Variants in JAKMIP3 observed in about 807,000 individuals in gnomAD.
JAKMIP3 encodes the protein janus kinase and microtubule-interacting protein 3.
JAKMIP3 carries 58 observed loss-of-function variants against 118.5 expected under a neutral mutation model. The ratio of observed to expected loss-of-function variants is 0.49; its 90% confidence interval spans 0.40 to 0.61. The LOEUF (loss-of-function observed/expected upper bound fraction) is 0.61, where lower values mean the gene tolerates loss of function less well. JAKMIP3 is among the 20% of genes least tolerant of loss of function. The probability of loss-of-function intolerance (pLI) is 0.00; values close to 1 mark genes in which losing one functional copy is unlikely to be tolerated. For missense variants in JAKMIP3, 950 were observed against 1,109.0 expected, an observed-to-expected ratio of 0.86 and a Z score of 2.04; for synonymous variants, 486 against 451.2, an observed-to-expected ratio of 1.08 and a Z score of -0.98.
chr10:132,113,932 C>T (rs1047737128), intron 2 of JAKMIP3, among the ~76,000 whole-genome samples: 1 of 152,234 alleles, frequency 6.6e-6, no homozygotes, highest in Non-Finnish European at 1.5e-5. Flanking sequence ...CCGTCCTTCG[C>T]CTCTCCCGGG....
upstream of JAKMIP3, among the ~76,000 whole-genome samples, chr10:132,065,752 C>T (rs558650354): frequency 6.6e-6 from 1 of 151,870 alleles, no homozygotes; most frequent in African/African-American, 2.4e-5. The surrounding 1 kb of genome is among the most constrained non-coding windows in gnomAD (Gnocchi z 5.6). Flanking sequence ...TCTGTTCGCG[C>T]CCTGCAGGGA....
At position 132,103,066 on chromosome 10, in the gene JAKMIP3, C is replaced by T. The variant is rs147559539; in HGVS notation, c.-137-1606C>T. Among the ~76,000 whole-genome samples the T allele has an allele frequency of 5.4e-3, 814 of 152,046 alleles. 13 individuals carry two copies. The highest frequency in any genetic ancestry group is 0.018 in the African/African-American group (753 of 41,436). On this transcript the variant is annotated intron_variant, in intron 1 of 23. Coordinates refer to ENST00000684848, the MANE Select transcript of JAKMIP3 (RefSeq NM_001323087.2). ...TTGTGGGGGTGGGGGCTGTGTTCAC[C>T]GGGAAAGTTCCCATGTGTGATCTGC... is the stretch of plus-strand genomic sequence containing the variant.
intron 13 of JAKMIP3, 118 bp downstream of exon 13, chr10:132,145,698 A>G: frequency 1.2e-6 from 1 of 837,148 alleles, no homozygotes; most frequent in Non-Finnish European, 1.9e-6. Flanking sequence ...TGGCTGTCCC[A>G]GGCCCCTTCT....
chr10:132,044,112 T>G lies in JAKMIP3; in HGVS notation c.-138+7374T>G, dbSNP rs933886466. Among the ~76,000 whole-genome samples the G allele has an allele frequency of 6.6e-6, 1 of 152,214 alleles. No homozygotes were observed. The highest frequency in any genetic ancestry group is 2.4e-5 in the African/African-American group (1 of 41,468). ...CCACCTGGGGACACAGGCTGCCGCC[T>G]TGATGCTGCTCCCCTGGGACCAGCC... is the stretch of plus-strand genomic sequence containing the variant. On this transcript the variant is annotated intron_variant, in intron 1 of 23. Coordinates refer to the JAKMIP3 transcript ENST00000657785. The surrounding 1 kb of genome is among the most constrained non-coding windows in gnomAD (Gnocchi z 5.3).
In JAKMIP3 at chr10:132,163,501, A is replaced by G. The variant is rs527861722; in HGVS notation, c.2424+89A>G. On this transcript the variant is annotated intron_variant, in intron 20 of 23. Transcript: ENST00000684848. ...GGGGTCCTCCCACGGCCACACCTCC[A>G]ACCACTACCCCTCTGTGGCCCCACC... The G allele has an allele frequency of 3.4e-6, 4 of 1,180,530 alleles. No individual in the cohort carries two copies. In the South Asian group the frequency reaches 4.3e-5, roughly 13 times the overall value. The allele number at this position is 1,180,530 out of a possible 1,614,324, so 73.1% of individuals were successfully genotyped here. A position where few individuals can be genotyped will look rare whatever the true frequency, so the allele number is the denominator to read the frequency against.
intron 2 of JAKMIP3, among the ~76,000 whole-genome samples, chr10:132,114,205 A>G (rs1478272422): frequency 6.6e-6 from 1 of 152,256 alleles, no homozygotes; most frequent in Non-Finnish European, 1.5e-5. Flanking sequence ...GCTTCTGTGC[A>G]GCATGGCACA....
At chr10:132,180,054 C>T (rs905050799) in intron 23 of JAKMIP3, among the ~76,000 whole-genome samples, 13 of 152,170 alleles carry the variant, frequency 8.5e-5, no homozygotes, top group African/African-American at 2.7e-4. Flanking sequence ...GTGCGCCCCC[C>T]ACCCACTAAC....
intron 11 of JAKMIP3, among the ~76,000 whole-genome samples, 155 bp downstream of exon 11, chr10:132,142,203 G>A (rs900576700): frequency 2.6e-5 from 4 of 152,106 alleles, no homozygotes; most frequent in African/African-American, 9.7e-5. Flanking sequence ...CATGGAAGCC[G>A]ATCAAAACCA....
intron 11 of JAKMIP3, among the ~76,000 whole-genome samples, chr10:132,142,377 C>A (rs541076468): frequency 6.6e-6 from 1 of 152,340 alleles, no homozygotes; most frequent in South Asian, 2.1e-4. Context: ...ACCTCTTCCA[C>A]TCTTGGCAGC....
rs144708441 is a variant in JAKMIP3, at chr10:132,130,174, C to T, written c.634-3138C>T. Among the ~76,000 whole-genome samples, 190 of 152,296 alleles carry T rather than the reference C, an allele frequency of 1.2e-3. 1 individual carries two copies. Among genetic ancestry groups the T allele is most frequent in the East Asian group, 9.3e-3 (48 of 5,182 alleles). On this transcript the variant is annotated intron_variant, in intron 3 of 23. Transcript: ENST00000684848. ...TGGCGGCCTCTTCTAGCACCTCCAA[C>T]GCACCCCCACCCAGGTCTCTGCTTT...
chr10:132,148,443 C>T (rs2055101890), intron 14 of JAKMIP3, among the ~76,000 whole-genome samples: 2 of 150,618 alleles, frequency 1.3e-5, no homozygotes, highest in Admixed American at 1.3e-4. Flanking sequence ...CTGGCACGTC[C>T]GTCCTCCATC....
chr10:132,116,470 T>TGC (rs921987155), intron 2 of JAKMIP3, among the ~76,000 whole-genome samples: 2 of 148,754 alleles, frequency 1.3e-5, no homozygotes, highest in African/African-American at 5.0e-5. Flanking sequence ...AGTGTGTGTG[T>TGC]GCAACGTGGA....
chr10:132,084,226 A>G (rs146176040), intron 1 of JAKMIP3, among the ~76,000 whole-genome samples: 270 of 152,116 alleles, frequency 1.8e-3, no homozygotes, highest in Middle Eastern at 6.8e-3. Context: ...GCAGTGTTTT[A>G]TAGTTTTCCT....
At chr10:132,078,381 T>C (rs1427393087) in intron 1 of JAKMIP3, among the ~76,000 whole-genome samples, 4 of 152,226 alleles carry the variant, frequency 2.6e-5, no homozygotes, top group Non-Finnish European at 5.9e-5. Context: ...TTATCTTTTT[T>C]AAGCCTAGAA....
intron 23 of JAKMIP3, among the ~76,000 whole-genome samples, chr10:132,172,752 A>G (rs536735124): frequency 7.2e-5 from 11 of 151,814 alleles, no homozygotes; most frequent in Non-Finnish European, 1.6e-4. Context: ...GGCGGGGTCC[A>G]TAACCCCTTC....
chr10:132,103,421 G>T (rs1385690787), intron 1 of JAKMIP3, among the ~76,000 whole-genome samples: 2 of 87,128 alleles, frequency 2.3e-5, no homozygotes, highest in Admixed American at 9.4e-5. Context: ...AGGAGCAGCT[G>T]GAGGGGAGGA....
At chr10:132,135,262 G>C in intron 5 of JAKMIP3, 102 bp downstream of exon 5, 1 of 1,227,366 alleles carries the variant, frequency 8.1e-7, no homozygotes, top group South Asian at 1.4e-5. Context: ...AAGGAGTGGT[G>C]GTTGCAAGGA....
rs561475048 is a variant in JAKMIP3 at position 132,101,708 on chromosome 10, G to A, written c.-137-2964G>A. ...GCCCGGGGCTCGGTCCTGGGGTGCC[G>A]CTGGAAGGAAGCTGGAGCCCTGTGT... On this transcript the variant is annotated intron_variant, in intron 1 of 23. Transcript: ENST00000684848. 1.0e-3 allele frequency among the ~76,000 whole-genome samples: 154 copies of A among 152,122 alleles called. 2 individuals are homozygous for A. In the South Asian group the frequency reaches 0.016, roughly 16 times the overall value.
At position 132,094,462 on chromosome 10, in the gene JAKMIP3, A is replaced by T. The variant is rs766745599; in HGVS notation, c.-137-10210A>T. ...GTCCCATGGGGTGTTCCCTTGATGT[A>T]GGGCTCTGCTCCTTTTCCTATGGAT... On this transcript the variant is annotated intron_variant, in intron 1 of 23. Transcript: ENST00000684848. 1.6e-3 allele frequency among the ~76,000 whole-genome samples: 249 copies of T among 152,178 alleles called. 1 individual carries two copies. Among genetic ancestry groups the T allele is most frequent in the Admixed American group, 2.7e-3 (41 of 15,288 alleles).
Sources: allele counts gnomAD v4.1 joint callset (sites outside exome capture counted in the v4.1 genomes callset), GRCh38; gene constraint gnomAD v4.1.1; non-coding constraint Gnocchi (gnomAD v3.1); transcripts MANE v1.5; gene names NCBI Gene and HGNC (gene_info 2026-07-23, HGNC 2026-07-21).